The following TSC2 variants were observed in gnomAD, a reference collection of about 807,000 sequenced individuals.
TSC2 encodes tuberin.
A neutral mutation model predicts 202.2 loss-of-function variants in TSC2; 29 were observed. That is an observed-to-expected ratio of 0.14 (90% CI 0.11 to 0.20). TSC2 has a LOEUF of 0.20. TSC2 is among the 10% of genes least tolerant of loss of function. TSC2 has a pLI of 1.00. For missense variants in TSC2, 2,429 were observed against 2,420.0 expected, an observed-to-expected ratio of 1.00 and a Z score of -0.08; for synonymous variants, 1,349 against 1,044.0, an observed-to-expected ratio of 1.29 and a Z score of -5.63.
intron 30 of TSC2, chr16:2,080,690 T>G: frequency 2.8e-6 from 1 of 360,174 alleles, no homozygotes; most frequent in South Asian, 2.6e-5. Context: ...TTCACTGTGT[T>G]AGCCAGGATG....
In TSC2 at chr16:2,089,446, TACCTG is replaced by T; in HGVS notation, c.*838_*842del. ...GGGTGGGGCCGGGCACAGCCCGCTGTACCTGAGGACTCGGGGAAATAAATTAGCAT... is the reference window on the plus strand; with the variant it reads ...GGGTGGGGCCGGGCACAGCCCGCTGTAGGACTCGGGGAAATAAATTAGCAT... On this transcript the variant is annotated 3_prime_UTR_variant, in exon 42 of 42. Transcript: ENST00000219476. The T allele has an allele frequency of 1.9e-6, 1 of 520,498 alleles. No homozygotes were observed. The highest frequency in any genetic ancestry group is 3.3e-5 in the East Asian group (1 of 30,368). 32.2% of individuals were successfully genotyped at this position (520,498 alleles called of 1,614,324 possible).
At chr16:2,053,626 T>C in intron 4 of TSC2, 174 bp downstream of exon 4, 1 of 715,186 alleles carries the variant, frequency 1.4e-6, no homozygotes, top group Non-Finnish European at 2.5e-6. Flanking sequence ...ATGAGGTCTG[T>C]GTGACCGTAG....
intron 21 of TSC2, among the ~76,000 whole-genome samples, chr16:2,073,729 C>T (rs978423067): frequency 2.0e-5 from 3 of 152,244 alleles, no homozygotes; most frequent in African/African-American, 7.2e-5. Context: ...GCCTTACTGG[C>T]CCACAGTGTA....
intron 2 of TSC2, 104 bp downstream of exon 2, chr16:2,048,857 C>A: frequency 6.6e-7 from 1 of 1,517,956 alleles, no homozygotes; most frequent in Non-Finnish European, 9.1e-7. Flanking sequence ...TGGCAACTGT[C>A]TACACAGGAA....
chr16:2,069,926 T>C (rs949576515), intron 16 of TSC2, among the ~76,000 whole-genome samples: 5 of 152,242 alleles, frequency 3.3e-5, no homozygotes, highest in Non-Finnish European at 5.9e-5. Context: ...GTCATTTCTT[T>C]CAATGATTTT....
At chr16:2,055,356 G>T in intron 5 of TSC2, 46 bp from the exon 6 acceptor site, 1 of 1,466,180 alleles carries the variant, frequency 6.8e-7, no homozygotes, top group East Asian at 2.3e-5. Flanking sequence ...GTGAGTGGGA[G>T]ATGTAGATTC....
chr16:2,078,209 ATGGGCC>A (rs1045745758), intron 26 of TSC2: 29 of 209,456 alleles, frequency 1.4e-4, no homozygotes, highest in African/African-American at 6.3e-4. Flanking sequence ...GGGCATGGGC[ATGGGCC>A]TGGGCCCCAG....
chr16:2,049,380 A>G (rs2150982843), intron 2 of TSC2, among the ~76,000 whole-genome samples: 1 of 151,826 alleles, frequency 6.6e-6, no homozygotes, highest in Non-Finnish European at 1.5e-5. Context: ...GCCATCGCAC[A>G]TGGGCTAGGT....
At chr16:2,076,042 G>A (rs45483797) in intron 23 of TSC2, 26 bp from the exon 24 acceptor site, 4 of 1,613,832 alleles carry the variant, frequency 2.5e-6, no homozygotes, top group Non-Finnish European at 2.5e-6. Context: ...TGCCAGGATG[G>A]AGTGCCAGCC....
chr16:2,069,777 G>C (rs1190491056), intron 16 of TSC2, among the ~76,000 whole-genome samples: 1 of 152,076 alleles, frequency 6.6e-6, no homozygotes, highest in Non-Finnish European at 1.5e-5. Context: ...ACTGTGCCCG[G>C]CCTAATTTTG....
intron 2 of TSC2, 68 bp downstream of exon 2, chr16:2,048,821 A>G: frequency 6.2e-7 from 1 of 1,610,130 alleles, no homozygotes. Context: ...TTGGTCTTGC[A>G]CCAGGTTCTG....
chr16:2,048,761 AGCTACCTGTGT>A lies in TSC2; in HGVS notation c.138+9_138+19del. 6.2e-7 allele frequency: 1 copy of A among 1,613,984 alleles called. No homozygotes were observed. The highest frequency in any genetic ancestry group is 1.1e-5 in the South Asian group (1 of 91,086). ...ACCGCGGAAATACTGAGAGTGAGTG[AGCTACCTGTGT>A]CTTTGCTAGGCTAGAGGGAAATGCA... On this transcript the variant is annotated intron_variant, in intron 2 of 41. Transcript: ENST00000219476.
chr16:2,048,829 CTGTGGGAG>C (rs1567381616), intron 2 of TSC2, 76 bp downstream of exon 2: 1 of 1,601,372 alleles, frequency 6.2e-7, no homozygotes, highest in African/African-American at 1.3e-5. Flanking sequence ...GCACCAGGTT[CTGTGGGAG>C]ACGGGTTGCT....
chr16:2,050,041 C>T (rs750280937), intron 2 of TSC2, among the ~76,000 whole-genome samples: 19 of 151,288 alleles, frequency 1.3e-4, no homozygotes, highest in East Asian at 4.0e-4. Context: ...CTGCAATCTC[C>T]GCCTCCTGGG....
Position 2,087,890 on chromosome 16 carries a change from G to C in TSC2, c.5017G>C (p.Val1673Leu), listed in dbSNP as rs45490993. ...CCAGTTCAACTTTGTCCACGTGATC[G>C]TCACCCCGCTGGACTACGAGTGCAA... ...KGQFNFVHVIVTPLDYECNLV... is the reference protein window; with the variant it reads ...KGQFNFVHVILTPLDYECNLV... The change falls in exon 39 of 42, where the codon GTC (valine) becomes CTC (leucine). Residue 1673 changes from valine (V) to leucine (L), a missense_variant. Transcript: ENST00000219476. The C allele has an allele frequency of 2.2e-4, 357 of 1,612,026 alleles. 6 individuals are homozygous for C. The South Asian group carries it at 3.8e-3, about 17-fold the overall frequency.
intron 31 of TSC2, chr16:2,082,117 G>T: frequency 1.7e-6 from 1 of 590,010 alleles, no homozygotes; most frequent in South Asian, 2.0e-5. Context: ...CTGGGCCCAG[G>T]TTTGGACACC....
At chr16:2,063,843 G>C in intron 14 of TSC2, 1 of 326,114 alleles carries the variant, frequency 3.1e-6, no homozygotes, top group East Asian at 7.8e-5. Flanking sequence ...GCTGTCCTCA[G>C]CACAGCACGC....
At chr16:2,054,274 A>G in intron 4 of TSC2, 22 bp from the exon 5 acceptor site, 1 of 1,614,050 alleles carries the variant, frequency 6.2e-7, no homozygotes, top group Non-Finnish European at 8.5e-7. Flanking sequence ...GGCTCTGCTG[A>G]TCCTGTGGCT....
In TSC2 at chr16:2,050,385, T is replaced by G. The variant is rs563094714; in HGVS notation, c.139-15T>G. ...CTGAGCACTGGCCCCTTTTTCTTCT[T>G]TCATCTCTCTCCAGGAACTGAGCAT... On this transcript the variant is annotated splice_polypyrimidine_tract_variant and intron_variant, in intron 2 of 41. Transcript: ENST00000219476. The G allele has an allele frequency of 7.4e-6, 12 of 1,613,634 alleles. No individual in the cohort carries two copies. The African/African-American group carries it at 1.3e-4, about 18-fold the overall frequency.
Sources: allele counts gnomAD v4.1 joint callset (sites outside exome capture counted in the v4.1 genomes callset), GRCh38; gene constraint gnomAD v4.1.1; transcripts MANE v1.5; gene names NCBI Gene and HGNC (gene_info 2026-07-23, HGNC 2026-07-21).